ADGRL3: variants seen among roughly 807,000 people sequenced by gnomAD.
ADGRL3 encodes the protein calcium-independent alpha-latrotoxin receptor 3.
A neutral mutation model predicts 153.5 loss-of-function variants in ADGRL3; 62 were observed. The ratio of observed to expected loss-of-function variants is 0.40; its 90% CI spans 0.33 to 0.50. The LOEUF (loss-of-function observed/expected upper bound fraction) is 0.50. Ranked by LOEUF, ADGRL3 falls within the 20% of genes least tolerant of loss-of-function variation. ADGRL3 has a pLI of 0.47. For missense variants in ADGRL3, 1,641 were observed against 1,859.4 expected (o/e 0.88, Z 2.16); for synonymous variants, 710 against 672.5 (o/e 1.06, Z -0.86).
intron 4 of ADGRL3, among the ~76,000 whole-genome samples, chr4:61,573,243 C>T (rs2098846338): frequency 6.6e-6 from 1 of 151,904 alleles, no homozygotes; most frequent in Admixed American, 6.6e-5. Context: ...TTTGAATATT[C>T]TGGAAAGTTT....
intron 9 of ADGRL3, among the ~76,000 whole-genome samples, chr4:61,819,400 T>C (rs1371884006): frequency 1.3e-5 from 2 of 152,138 alleles, no homozygotes; most frequent in Non-Finnish European, 2.9e-5. Context: ...ATTTTTCTAC[T>C]GTAATTTCAT....
In ADGRL3 at chr4:61,655,590, T is replaced by C. The variant is rs147722572; in HGVS notation, c.474-21236T>C. ...AGTTTGAGTTGTTTTTATGTAAATG[T>C]CCGTCTTTCTTGTTTAGCATTTTGG... On this transcript the variant is annotated intron_variant, in intron 5 of 26. Transcript: ENST00000683033. 1.6e-3 allele frequency among the ~76,000 whole-genome samples: 241 copies of C among 152,308 alleles called. 2 individuals carry two copies. The highest frequency in any genetic ancestry group is 5.6e-3 in the African/African-American group (231 of 41,584).
At chr4:61,698,726 C>T (rs1023541917) in intron 6 of ADGRL3, among the ~76,000 whole-genome samples, 4 of 152,164 alleles carry the variant, frequency 2.6e-5, no homozygotes, top group African/African-American at 9.6e-5. Context: ...TGTGAGTCTC[C>T]ATTCAGTCAT....
At chr4:61,352,242 G>A (rs2096065068) in intron 1 of ADGRL3, among the ~76,000 whole-genome samples, 1 of 152,176 alleles carries the variant, frequency 6.6e-6, no homozygotes, top group Non-Finnish European at 1.5e-5. Flanking sequence ...TTACTGAATT[G>A]CTACAGTCTC....
At chr4:61,724,604 T>C (rs1020877979) in intron 6 of ADGRL3, among the ~76,000 whole-genome samples, 1 of 152,184 alleles carries the variant, frequency 6.6e-6, no homozygotes. Context: ...AGCACTTTTA[T>C]TCAGTGATGC....
intron 6 of ADGRL3, among the ~76,000 whole-genome samples, chr4:61,693,060 G>T (rs2095569617): frequency 6.6e-6 from 1 of 151,946 alleles, no homozygotes; most frequent in Admixed American, 6.6e-5. Context: ...AAATGACAGT[G>T]CCAAAATTTA....
At chr4:61,517,602 G>A in intron 4 of ADGRL3, 84 bp downstream of exon 4, 2 of 673,200 alleles carry the variant, frequency 3.0e-6, no homozygotes, top group Non-Finnish European at 5.4e-6. Context: ...TGCCCGAAAT[G>A]TGTCTTCTTG....
At chr4:61,762,804 C>A (rs902467707) in intron 8 of ADGRL3, among the ~76,000 whole-genome samples, 3 of 152,090 alleles carry the variant, frequency 2.0e-5, no homozygotes, top group Admixed American at 6.6e-5. Context: ...GACCAATAAT[C>A]CAAGAAAACT....
chr4:61,230,240 C>T (rs1750013673), intron 1 of ADGRL3, among the ~76,000 whole-genome samples: 1 of 152,140 alleles, frequency 6.6e-6, no homozygotes, highest in Non-Finnish European at 1.5e-5. Flanking sequence ...AGGGAGTGCT[C>T]CATGGCTGGC....
At position 61,599,238 on chromosome 4, in the gene ADGRL3, T is replaced by G. The variant is rs190463912; in HGVS notation, c.473+11798T>G. On this transcript the variant is annotated intron_variant, in intron 5 of 26. Coordinates refer to ENST00000683033, the MANE Select transcript of ADGRL3 (RefSeq NM_001387552.1). ...ACCCAGCAAGGCCCATCTGTCTAGATTCTTCTTGGCCTCTCAGATCATTCA... is the reference window on the plus strand; with the variant it reads ...ACCCAGCAAGGCCCATCTGTCTAGAGTCTTCTTGGCCTCTCAGATCATTCA... Among the ~76,000 whole-genome samples the G allele has an allele frequency of 2.6e-3, 391 of 152,346 alleles. 2 individuals carry two copies. Among genetic ancestry groups the G allele is most frequent in the Non-Finnish European group, 4.0e-3 (272 of 68,022 alleles).
intron 2 of ADGRL3, among the ~76,000 whole-genome samples, chr4:61,463,468 C>A (rs1021833812): frequency 6.6e-6 from 1 of 152,110 alleles, no homozygotes; most frequent in Non-Finnish European, 1.5e-5. Context: ...AAAACTCACT[C>A]ACTATCATGA....
chr4:61,735,203 G>GGAAT (rs1253072113), intron 8 of ADGRL3, among the ~76,000 whole-genome samples: 16 of 152,002 alleles, frequency 1.1e-4, no homozygotes, highest in Non-Finnish European at 2.2e-4. Context: ...TCACTCTTGT[G>GGAAT]GAATGAATGA....
chr4:61,236,008 C>CTTTTTTTTTTTTTTTTTTTTTTTTT (rs55932029), intron 1 of ADGRL3, among the ~76,000 whole-genome samples: 2 of 95,852 alleles, frequency 2.1e-5, no homozygotes, highest in South Asian at 4.0e-4. Flanking sequence ...CTTTTCTTTT[C>CTTTTTTTTTTTTTTTTTTTTTTTTT]TTTTTTTTTT....
intron 2 of ADGRL3, among the ~76,000 whole-genome samples, chr4:61,405,003 A>C (rs1316412433): frequency 6.6e-6 from 1 of 152,080 alleles, no homozygotes; most frequent in Non-Finnish European, 1.5e-5. Context: ...AACTATGCTT[A>C]CATGGGACTC....
chr4:61,955,111 C>T (rs990306589), intron 17 of ADGRL3, among the ~76,000 whole-genome samples: 3 of 152,096 alleles, frequency 2.0e-5, no homozygotes, highest in Non-Finnish European at 2.9e-5. Context: ...AGTGGGTTAG[C>T]GTAGGTGTTT....
chr4:61,970,505 G>A (rs1006064728), intron 17 of ADGRL3, among the ~76,000 whole-genome samples: 2 of 151,936 alleles, frequency 1.3e-5, no homozygotes, highest in Non-Finnish European at 1.5e-5. Context: ...CAAGAAGATC[G>A]CCAATAACTT....
chr4:61,418,253 A>G, intron 2 of ADGRL3, among the ~76,000 whole-genome samples: 1 of 152,226 alleles, frequency 6.6e-6, no homozygotes, highest in East Asian at 1.9e-4. Context: ...AAAGAGTAGA[A>G]GCGCAATTTC....
intron 3 of ADGRL3, among the ~76,000 whole-genome samples, chr4:61,501,202 T>C (rs2098383168): frequency 6.6e-6 from 1 of 152,216 alleles, no homozygotes; most frequent in East Asian, 1.9e-4. Context: ...AGAAAACTGC[T>C]AGATGTACTA....
intron 1 of ADGRL3, among the ~76,000 whole-genome samples, chr4:61,317,902 A>T (rs1218108652): frequency 1.3e-5 from 2 of 152,116 alleles, no homozygotes; most frequent in East Asian, 1.9e-4. Flanking sequence ...AGGGACAGGC[A>T]TGGTGGCTCA....
Sources: allele counts gnomAD v4.1 joint callset (sites outside exome capture counted in the v4.1 genomes callset), GRCh38; gene constraint gnomAD v4.1.1; transcripts MANE v1.5; gene names NCBI Gene and HGNC (gene_info 2026-07-23, HGNC 2026-07-21).